LDLRAD4: variants seen among roughly 807,000 people sequenced by gnomAD.
LDLRAD4 encodes low density lipoprotein receptor class A domain containing 4, also known as low-density lipoprotein receptor class A domain-containing protein 4.
A neutral mutation model predicts 17.0 loss-of-function variants in LDLRAD4; 5 were observed. The observed-to-expected ratio is 0.29, with a 90% CI of 0.15 to 0.62. The LOEUF (loss-of-function observed/expected upper bound fraction) is 0.62. Among genes scored for constraint, LDLRAD4 ranks in the 20% least tolerant of loss-of-function variants. The probability of loss-of-function intolerance (pLI) is 0.84; values close to 1 mark genes in which losing one functional copy is unlikely to be tolerated. For synonymous variants in LDLRAD4, 168 were observed against 171.8 expected, an observed-to-expected ratio of 0.98 and a Z score of 0.17; for missense variants, 340 against 424.7, an observed-to-expected ratio of 0.80 and a Z score of 1.75.
intron 3 of LDLRAD4, among the ~76,000 whole-genome samples, chr18:13,580,239 C>T (rs1022290667): frequency 6.6e-6 from 1 of 152,230 alleles, no homozygotes; most frequent in African/African-American, 2.4e-5. Context: ...GGATGAAGCA[C>T]CAGCTCCTGG....
chr18:13,345,275 A>G (rs2082614751), intron 1 of LDLRAD4, among the ~76,000 whole-genome samples: 1 of 152,158 alleles, frequency 6.6e-6, no homozygotes, highest in African/African-American at 2.4e-5. Context: ...TAATTTATTG[A>G]GAGTTTTTAG....
chr18:13,577,933 C>G lies in LDLRAD4; in HGVS notation c.182-43184C>G, dbSNP rs536347285. ...CTTTTCTCGTGCTATATCTAAAACT[C>G]AGCTCTGATTATTATGTTTAAAAAG... On this transcript the variant is annotated intron_variant, in intron 3 of 5. Coordinates refer to ENST00000359446, the Ensembl canonical transcript of LDLRAD4. Among the ~76,000 whole-genome samples, 13 of 152,284 alleles carry G rather than the reference C, an allele frequency of 8.5e-5. No individual in the cohort carries two copies. The South Asian group carries it at 2.7e-3, about 32-fold the overall frequency.
chr18:13,617,356 A>G (rs770900195), intron 3 of LDLRAD4, among the ~76,000 whole-genome samples: 49 of 152,332 alleles, frequency 3.2e-4, no homozygotes, highest in Admixed American at 5.9e-4. Flanking sequence ...TCAATATCAC[A>G]TGTTCCATGT....
intron 3 of LDLRAD4, among the ~76,000 whole-genome samples, chr18:13,567,955 G>A (rs1244972106): frequency 1.3e-5 from 2 of 151,782 alleles, no homozygotes; most frequent in South Asian, 4.2e-4. Context: ...TCTGGTCATC[G>A]TGCCTTCAAC....
At chr18:13,335,224 G>T (rs1030275845) in intron 1 of LDLRAD4, among the ~76,000 whole-genome samples, 1 of 152,098 alleles carries the variant, frequency 6.6e-6, no homozygotes, top group Non-Finnish European at 1.5e-5. Context: ...CCTCTGGTTC[G>T]TTAGAGGGAA....
chr18:13,276,956 C>A (rs1348690164), upstream of LDLRAD4, among the ~76,000 whole-genome samples: 1 of 152,170 alleles, frequency 6.6e-6, no homozygotes, highest in African/African-American at 2.4e-5. Context: ...CTGGTGAGAG[C>A]AGCCCCAGTG....
chr18:13,466,721 G>A (rs1450619860), intron 3 of LDLRAD4, among the ~76,000 whole-genome samples: 1 of 152,158 alleles, frequency 6.6e-6, no homozygotes, highest in African/African-American at 2.4e-5. Context: ...AACAACAGAG[G>A]TTTATTTCTC....
At chr18:13,546,675 G>A (rs1422581523) in intron 3 of LDLRAD4, among the ~76,000 whole-genome samples, 1 of 152,136 alleles carries the variant, frequency 6.6e-6, no homozygotes, top group Non-Finnish European at 1.5e-5. Flanking sequence ...CACAAAAGTA[G>A]TCCGTGTGTG....
exon 3 of LDLRAD4, chr18:13,438,358 A>G: frequency 6.2e-7 from 1 of 1,614,124 alleles, no homozygotes; most frequent in Non-Finnish European, 8.5e-7. Flanking sequence ...CTGGTGACCG[A>G]GCACCCGCCT....
At chr18:13,567,232 G>T (rs2094615846) in intron 3 of LDLRAD4, among the ~76,000 whole-genome samples, 3 of 152,224 alleles carry the variant, frequency 2.0e-5, no homozygotes, top group African/African-American at 7.2e-5. Flanking sequence ...CAGGGGCGCT[G>T]CTAAGAAAGA....
intron 4 of LDLRAD4, among the ~76,000 whole-genome samples, chr18:13,636,689 G>A (rs977379588): frequency 1.3e-5 from 2 of 151,594 alleles, no homozygotes; most frequent in African/African-American, 2.4e-5. Context: ...TAGTAGAGAC[G>A]GTTTTTCACC....
intron 1 of LDLRAD4, among the ~76,000 whole-genome samples, chr18:13,284,608 G>A (rs542647275): frequency 5.3e-5 from 8 of 152,232 alleles, no homozygotes; most frequent in East Asian, 1.9e-4. Flanking sequence ...TCCGTGGTGC[G>A]GGAGGTTAGA....
chr18:13,621,575 C>A lies in LDLRAD4; in HGVS notation c.336+304C>A, dbSNP rs1183884044. On this transcript the variant is annotated intron_variant, in intron 4 of 5. Transcript: ENST00000359446. This position sits in a 1 kb window ranked among gnomAD's most constrained non-coding sequence, Gnocchi z 5.5. ...TGAGCTGTGCACGAACGGGACCGGC[C>A]CTGGGTGGTCCCTCGTGCCTGGCTC... Among the ~76,000 whole-genome samples, 1 of 152,188 alleles carries A rather than the reference C, an allele frequency of 6.6e-6. No individual in the cohort carries two copies. Among genetic ancestry groups the A allele is most frequent in the Non-Finnish European group, 1.5e-5 (1 of 68,024 alleles).
intron 1 of LDLRAD4, among the ~76,000 whole-genome samples, chr18:13,365,372 G>A (rs2083984651): frequency 6.6e-6 from 1 of 152,220 alleles, no homozygotes; most frequent in Non-Finnish European, 1.5e-5. Context: ...GCCACCTGAG[G>A]ATGAACCAAG....
At chr18:13,503,011 T>C (rs1328094735) in intron 3 of LDLRAD4, among the ~76,000 whole-genome samples, 1 of 152,250 alleles carries the variant, frequency 6.6e-6, no homozygotes, top group Non-Finnish European at 1.5e-5. Flanking sequence ...GTATATGTGC[T>C]TGTATTAACA....
intron 1 of LDLRAD4, among the ~76,000 whole-genome samples, chr18:13,340,431 A>AT (rs1373182004): frequency 1.3e-5 from 2 of 151,628 alleles, no homozygotes. Context: ...CTAACTTTCT[A>AT]TTTTTTTTAA....
chr18:13,448,024 A>G (rs1166865145), intron 3 of LDLRAD4, among the ~76,000 whole-genome samples: 1 of 152,154 alleles, frequency 6.6e-6, no homozygotes, highest in East Asian at 1.9e-4. Flanking sequence ...CTAAGAGAAA[A>G]GGCCCGCTGT....
At chr18:13,323,702 A>G (rs2081369816) in intron 1 of LDLRAD4, among the ~76,000 whole-genome samples, 1 of 152,220 alleles carries the variant, frequency 6.6e-6, no homozygotes, top group Admixed American at 6.5e-5. Flanking sequence ...TTCAATATAT[A>G]TAAGGTATAA....
At chr18:13,431,421 C>G (rs1430578286) in intron 2 of LDLRAD4, among the ~76,000 whole-genome samples, 1 of 152,224 alleles carries the variant, frequency 6.6e-6, no homozygotes, top group African/African-American at 2.4e-5. Context: ...ACGGGAATCA[C>G]TGTTATCCAC....
Sources: gnomAD v4.1 joint callset for allele counts (sites outside exome capture counted in the v4.1 genomes callset) on GRCh38, gnomAD v4.1.1 for gene constraint, Gnocchi (gnomAD v3.1) non-coding constraint, MANE v1.5 for transcripts, NCBI Gene and HGNC (gene_info 2026-07-23, HGNC 2026-07-21) for gene names.